FRMD6: variants seen among roughly 807,000 people sequenced by gnomAD.
The protein encoded by FRMD6 is FERM domain containing 6.
Under a neutral mutation model 73.2 loss-of-function variants are expected in FRMD6, and 37 were observed. The observed-to-expected ratio is 0.51, with a 90% CI of 0.39 to 0.66. The LOEUF (loss-of-function observed/expected upper bound fraction) is 0.66, where lower values mean the gene tolerates loss of function less well. FRMD6 is among the 30% of genes least tolerant of loss of function. The pLI is 0.00. For missense variants in FRMD6, 714 were observed against 780.5 expected (o/e 0.91, Z 1.02); for synonymous variants, 273 against 282.2 (o/e 0.97, Z 0.33).
At chr14:51,544,956 C>A (rs904236059) in intron 1 of FRMD6, among the ~76,000 whole-genome samples, 11 of 151,866 alleles carry the variant, frequency 7.2e-5, no homozygotes, top group Non-Finnish European at 1.3e-4. Flanking sequence ...GGCTCAAAAC[C>A]CACCTATAAA....
At chr14:51,448,589 T>C in the FRMD6 span, among the ~76,000 whole-genome samples, 1 of 152,178 alleles carries the variant, frequency 6.6e-6, no homozygotes. Flanking sequence ...TAGTTACCCA[T>C]TGGCAAGGAA....
At chr14:51,627,203 G>T (rs1891150418) in intron 2 of FRMD6, among the ~76,000 whole-genome samples, 1 of 152,142 alleles carries the variant, frequency 6.6e-6, no homozygotes. Context: ...TTGAAAGGGA[G>T]CATGATTAAA....
At chr14:51,639,811 T>C (rs1429284819) in intron 2 of FRMD6, among the ~76,000 whole-genome samples, 1 of 152,174 alleles carries the variant, frequency 6.6e-6, no homozygotes, top group Non-Finnish European at 1.5e-5. Flanking sequence ...CCTAAATATA[T>C]GTAAAATATA....
At chr14:51,430,583 A>G in the FRMD6 span, among the ~76,000 whole-genome samples, 1 of 151,920 alleles carries the variant, frequency 6.6e-6, no homozygotes, top group Non-Finnish European at 1.5e-5. Flanking sequence ...GTCAAACTCT[A>G]CATGCCACAG....
intron 2 of FRMD6, among the ~76,000 whole-genome samples, chr14:51,577,399 T>A (rs1353475631): frequency 2.6e-5 from 4 of 152,220 alleles, no homozygotes; most frequent in Non-Finnish European, 4.4e-5. Context: ...ATCATCATGA[T>A]CATCAAATTT....
intron 13 of FRMD6, among the ~76,000 whole-genome samples, chr14:51,726,155 G>A (rs1254721008): frequency 1.3e-5 from 2 of 152,164 alleles, no homozygotes; most frequent in Non-Finnish European, 2.9e-5. Context: ...GTGTGCACAT[G>A]CATGTGTCTG....
At chr14:51,715,570 G>A in intron 10 of FRMD6, 71 bp downstream of exon 10, 1 of 1,297,260 alleles carries the variant, frequency 7.7e-7, no homozygotes, top group Non-Finnish European at 1.0e-6. Context: ...CTGAATGGGG[G>A]TTTTGAGCTC....
At chr14:51,477,452 A>C in the FRMD6 span, among the ~76,000 whole-genome samples, 1 of 151,970 alleles carries the variant, frequency 6.6e-6, no homozygotes, top group Non-Finnish European at 1.5e-5. Flanking sequence ...CCCATTGATT[A>C]ATAGGTGAAT....
chr14:51,716,293 TTTG>T (rs1445902606), intron 10 of FRMD6, among the ~76,000 whole-genome samples: 1 of 151,920 alleles, frequency 6.6e-6, no homozygotes, highest in Non-Finnish European at 1.5e-5. Flanking sequence ...CGTATTTGGG[TTTG>T]TTTTTTTTTT....
the FRMD6 span, among the ~76,000 whole-genome samples, chr14:51,438,777 C>T: frequency 3.3e-5 from 5 of 152,046 alleles, no homozygotes; most frequent in East Asian, 1.9e-4. Context: ...TGCCTTTTAC[C>T]GGGATATAAA....
At chr14:51,671,082 C>T (rs774366769) in intron 1 of FRMD6, among the ~76,000 whole-genome samples, 1 of 152,202 alleles carries the variant, frequency 6.6e-6, no homozygotes, top group African/African-American at 2.4e-5. Flanking sequence ...ACCAATCTTG[C>T]GTTCCTGGAA....
At chr14:51,602,201 A>T (rs1570124) in intron 2 of FRMD6, among the ~76,000 whole-genome samples, 148,092 of 152,312 alleles carry the variant, frequency 0.97, 72,023 homozygotes, top group African/African-American at 0.99. Context: ...ATTTTTGAAC[A>T]TATGGAACTC....
chr14:51,663,224 A>G (rs1222833362), intron 1 of FRMD6, among the ~76,000 whole-genome samples: 1 of 152,242 alleles, frequency 6.6e-6, no homozygotes, highest in Non-Finnish European at 1.5e-5. Context: ...TCAAAGACCT[A>G]AAAACAGAAA....
chr14:51,530,646 AT>A (rs10531677), intron 1 of FRMD6, among the ~76,000 whole-genome samples: 62,717 of 147,950 alleles, frequency 0.42, 13,900 homozygotes, highest in Non-Finnish European at 0.48. Context: ...ACACCCAGCT[AT>A]TTTTTTTTTT....
chr14:51,593,239 A>G (rs1242212715), intron 2 of FRMD6, among the ~76,000 whole-genome samples: 2 of 152,194 alleles, frequency 1.3e-5, no homozygotes, highest in East Asian at 3.9e-4. Flanking sequence ...TGCCCCAGCG[A>G]ACAGCTCCAG....
chr14:51,548,860 C>A (rs763032286), intron 1 of FRMD6, among the ~76,000 whole-genome samples: 2 of 152,172 alleles, frequency 1.3e-5, no homozygotes, highest in Non-Finnish European at 2.9e-5. Flanking sequence ...TCAGCATCAC[C>A]TGGGAGCTAA....
At chr14:51,525,896 G>T (rs1436128039) in intron 1 of FRMD6, among the ~76,000 whole-genome samples, 1 of 152,168 alleles carries the variant, frequency 6.6e-6, no homozygotes, top group Non-Finnish European at 1.5e-5. Flanking sequence ...ACAGTCCTTT[G>T]AAGAAGATGA....
intron 1 of FRMD6, among the ~76,000 whole-genome samples, chr14:51,566,171 A>C (rs1184955231): frequency 1.3e-5 from 2 of 152,210 alleles, no homozygotes; most frequent in African/African-American, 2.4e-5. Flanking sequence ...TCTCAAGACA[A>C]AGCCCACTGG....
the FRMD6 span, among the ~76,000 whole-genome samples, chr14:51,413,110 C>A: frequency 6.6e-6 from 1 of 151,360 alleles, no homozygotes; most frequent in Non-Finnish European, 1.5e-5. Flanking sequence ...CCTGGCTCAG[C>A]CTCCCGAGTA....
Sources: allele counts gnomAD v4.1 joint callset (sites outside exome capture counted in the v4.1 genomes callset), GRCh38; gene constraint gnomAD v4.1.1; transcripts MANE v1.5; gene names NCBI Gene and HGNC (gene_info 2026-07-23, HGNC 2026-07-21).